Variants in TNRC6A observed in about 807,000 individuals in gnomAD.
The protein encoded by TNRC6A is trinucleotide repeat containing adaptor 6A, also known as trinucleotide repeat-containing gene 6A protein.
Under a neutral mutation model 221.2 loss-of-function variants are expected in TNRC6A, and 44 were observed. The ratio of observed to expected loss-of-function variants is 0.20; its 90% confidence interval spans 0.16 to 0.26. The LOEUF is 0.26. Among genes scored for constraint, TNRC6A ranks in the 10% least tolerant of loss-of-function variants. The pLI is 1.00. For missense variants in TNRC6A, 2,199 were observed against 2,404.4 expected, an observed-to-expected ratio of 0.91 and a Z score of 1.79; for synonymous variants, 847 against 838.5, an observed-to-expected ratio of 1.01 and a Z score of -0.18.
chr16:24,736,937 A>G (rs1455266699), intron 2 of TNRC6A, among the ~76,000 whole-genome samples: 1 of 152,190 alleles, frequency 6.6e-6, no homozygotes, highest in Non-Finnish European at 1.5e-5. Flanking sequence ...GGGACATAAA[A>G]GTTGCTTGTT....
intron 2 of TNRC6A, among the ~76,000 whole-genome samples, chr16:24,715,605 CTTTT>C (rs58843836): frequency 1.6e-5 from 2 of 127,224 alleles, no homozygotes; most frequent in South Asian, 2.5e-4. Context: ...TGAGTAGTTT[CTTTT>C]TTTTTTTTTT....
chr16:24,782,974 T>C (rs1463858515), intron 5 of TNRC6A, among the ~76,000 whole-genome samples: 1 of 152,208 alleles, frequency 6.6e-6, no homozygotes, highest in East Asian at 1.9e-4. Flanking sequence ...AACATAAATA[T>C]TATTTACTTT....
intron 2 of TNRC6A, among the ~76,000 whole-genome samples, chr16:24,641,957 A>G (rs1036717540): frequency 7.9e-5 from 12 of 152,248 alleles, no homozygotes; most frequent in African/African-American, 2.7e-4. Context: ...AAAATTCTCA[A>G]TTGACACGGT....
intron 2 of TNRC6A, among the ~76,000 whole-genome samples, chr16:24,735,287 G>A (rs1317204177): frequency 1.3e-5 from 2 of 152,118 alleles, no homozygotes; most frequent in Non-Finnish European, 2.9e-5. Flanking sequence ...TCGAAAGAAA[G>A]AAAAGAAATG....
chr16:24,805,552 A>G (rs1472620777), intron 14 of TNRC6A, 53 bp from the exon 15 acceptor site: 1 of 1,604,754 alleles, frequency 6.2e-7, no homozygotes, highest in East Asian at 2.2e-5. Context: ...CAGTACGTGT[A>G]GTTAGTGTGA....
chr16:24,696,038 T>G (rs1372059084), intron 2 of TNRC6A, among the ~76,000 whole-genome samples: 1 of 152,110 alleles, frequency 6.6e-6, no homozygotes, highest in East Asian at 1.9e-4. Flanking sequence ...AAAACTCCAC[T>G]GCGCTTTTTA....
chr16:24,822,197 G>A (rs1029688026), intron 23 of TNRC6A, 50 bp downstream of exon 23: 4 of 1,586,478 alleles, frequency 2.5e-6, no homozygotes, highest in East Asian at 2.2e-5. Context: ...GGGAGCATGG[G>A]AACAGAGGTT....
chr16:24,647,466 T>C (rs1384154629), intron 2 of TNRC6A, among the ~76,000 whole-genome samples: 4 of 152,208 alleles, frequency 2.6e-5, no homozygotes, highest in African/African-American at 9.6e-5. Flanking sequence ...ACTAATTTCA[T>C]TGGGTTTTCT....
At chr16:24,636,026 T>G (rs1476685783) in intron 1 of TNRC6A, among the ~76,000 whole-genome samples, 1 of 152,210 alleles carries the variant, frequency 6.6e-6, no homozygotes, top group African/African-American at 2.4e-5. Flanking sequence ...TTTGGCAATA[T>G]GCAGGGCACT....
chr16:24,689,783 A>T (rs2055714301), intron 2 of TNRC6A, among the ~76,000 whole-genome samples: 1 of 152,032 alleles, frequency 6.6e-6, no homozygotes, highest in African/African-American at 2.4e-5. Context: ...ACAGGGTCTC[A>T]CTTGTTGCCT....
At chr16:24,708,817 A>G (rs2056148549) in intron 2 of TNRC6A, among the ~76,000 whole-genome samples, 1 of 152,168 alleles carries the variant, frequency 6.6e-6, no homozygotes, top group Admixed American at 6.6e-5. Context: ...AGTTGCTGCA[A>G]AAGACATTAT....
At chr16:24,655,380 G>T (rs2054888604) in intron 2 of TNRC6A, among the ~76,000 whole-genome samples, 1 of 152,014 alleles carries the variant, frequency 6.6e-6, no homozygotes, top group African/African-American at 2.4e-5. Flanking sequence ...CTTAGATAAG[G>T]GGAACAGTCT....
chr16:24,785,726 A>G (rs1418339996), intron 5 of TNRC6A, among the ~76,000 whole-genome samples: 2 of 151,730 alleles, frequency 1.3e-5, no homozygotes, highest in Admixed American at 1.3e-4. Flanking sequence ...CCATTTCTTT[A>G]TTTTCCATTT....
At position 24,774,908 on chromosome 16, in the gene TNRC6A, A is replaced by G. The variant is rs559624278; in HGVS notation, c.164-2025A>G. On this transcript the variant is annotated intron_variant, in intron 4 of 24. Transcript: ENST00000395799. ...TCATCTCTAGATTACTTACAATACC[A>G]AATATAATGTAAATGCTGTGTAAAT... 7.9e-5 allele frequency among the ~76,000 whole-genome samples: 12 copies of G among 152,276 alleles called. No individual in the cohort carries two copies. The South Asian group carries it at 2.5e-3, about 32-fold the overall frequency.
chr16:24,767,483 A>G (rs145247266), intron 4 of TNRC6A, among the ~76,000 whole-genome samples: 35 of 152,352 alleles, frequency 2.3e-4, no homozygotes, highest in African/African-American at 7.9e-4. Flanking sequence ...AAATTGGAAT[A>G]TACACATTTG....
At position 24,750,767 on chromosome 16, in the gene TNRC6A, AAAAG is replaced by A. The variant is rs2151407477; in HGVS notation, c.99_102del (p.Lys35ThrfsTer24). ...GAAGAACAGTTGATGGAAGAAAAGAAAAAGAAAAAAGACGACAAGAAAAAGAAGG... is the reference window on the plus strand; with the variant it reads ...GAAGAACAGTTGATGGAAGAAAAGAAAAAAAAGACGACAAGAAAAAGAAGG... On this transcript the variant is annotated frameshift_variant, in exon 3 of 25. Transcript: ENST00000395799. LOFTEE classifies it high-confidence loss of function. The A allele has an allele frequency of 6.4e-7, 1 of 1,568,724 alleles. No individual in the cohort carries two copies. The highest frequency in any genetic ancestry group is 8.6e-7 in the Non-Finnish European group (1 of 1,160,810).
chr16:24,629,044 A>G (rs1371252702), intron 1 of TNRC6A, among the ~76,000 whole-genome samples: 3 of 152,210 alleles, frequency 2.0e-5, no homozygotes, highest in Non-Finnish European at 2.9e-5. Context: ...AAAGTTGTAA[A>G]TCTAAAAACC....
rs1184143570 is a variant in TNRC6A, at chr16:24,735,356, C to G, written c.53+5056C>G. On this transcript the variant is annotated intron_variant, in intron 2 of 24. Coordinates refer to ENST00000395799, the MANE Select transcript of TNRC6A (RefSeq NM_014494.4). ...AGGTCTCCGTAGCTAAGGTGGATCC[C>G]ACTCATGCAATTCATCAACCTTTGT... Among the ~76,000 whole-genome samples the G allele has an allele frequency of 2.0e-5, 3 of 152,216 alleles. No individual in the cohort carries two copies. The South Asian group carries it at 6.2e-4, about 32-fold the overall frequency.
rs149232440 is a variant in TNRC6A at position 24,815,236 on chromosome 16, G to A, written c.4762G>A (p.Gly1588Ser). ...NSSTSPASPPGSIGDGWPRAK... is the reference protein window; with the variant it reads ...NSSTSPASPPSSIGDGWPRAK... ...CAGTACTTCACCAGCCAGTCCTCCA[G>A]GTTCAATAGGAGATGGCTGGCCACG... Residue 1588 changes from glycine (G) to serine (S), a missense_variant, in exon 19 of 25, where the codon GGT becomes AGT. Coordinates refer to ENST00000395799, the MANE Select transcript of TNRC6A (RefSeq NM_014494.4). 17 of 1,614,098 alleles carry A rather than the reference G, an allele frequency of 1.1e-5. No homozygotes were observed. The African/African-American group carries it at 1.9e-4, about 18-fold the overall frequency.
Sources: gnomAD v4.1 joint callset for allele counts (sites outside exome capture counted in the v4.1 genomes callset) on GRCh38, gnomAD v4.1.1 for gene constraint, MANE v1.5 for transcripts, NCBI Gene and HGNC (gene_info 2026-07-23, HGNC 2026-07-21) for gene names.